The following CHFR variants were observed in gnomAD, a reference collection of about 807,000 sequenced individuals.
CHFR encodes the protein E3 ubiquitin-protein ligase CHFR.
Under a neutral mutation model 87.6 loss-of-function variants are expected in CHFR, and 57 were observed. The observed-to-expected ratio is 0.65, with a 90% confidence interval of 0.53 to 0.81. The LOEUF (loss-of-function observed/expected upper bound fraction) is 0.81. Ranked by LOEUF, CHFR falls within the 30% of genes least tolerant of loss-of-function variation. CHFR has a pLI of 0.00. For synonymous variants in CHFR, 381 were observed against 359.2 expected (o/e 1.06, Z -0.69); for missense variants, 797 against 865.8 (o/e 0.92, Z 1.00).
intron 3 of CHFR, among the ~76,000 whole-genome samples, chr12:132,874,652 C>CTGATGT (rs1951579945): frequency 3.0e-5 from 3 of 98,912 alleles, no homozygotes; most frequent in Admixed American, 1.0e-4. Flanking sequence ...AAGCCAGGCC[C>CTGATGT]CGGAACAGGC....
intron 3 of CHFR, among the ~76,000 whole-genome samples, chr12:132,877,083 C>A (rs971856175): frequency 6.6e-6 from 1 of 152,134 alleles, no homozygotes; most frequent in Non-Finnish European, 1.5e-5. Context: ...GTGTGAGCCA[C>A]CGCGCCCGGG....
intron 6 of CHFR, among the ~76,000 whole-genome samples, chr12:132,863,174 G>A (rs1951255573): frequency 6.7e-6 from 1 of 150,006 alleles, no homozygotes; most frequent in South Asian, 2.1e-4. Flanking sequence ...GGGATTACAG[G>A]CGTGAGCCAC....
chr12:132,834,712 C>A lies in CHFR; in HGVS notation c.*6842G>T, dbSNP rs1593431763. ...CTTCCTGCCTTTGACTTCTTGCTTG[C>A]TTTTTTTTTTTTTTTTTTTTTGAGA... On this transcript the variant is annotated 3_prime_UTR_variant, in exon 18 of 18. Coordinates refer to ENST00000450056, the MANE Select transcript of CHFR (RefSeq NM_001161346.2). 2 of 135,372 alleles carry A rather than the reference C, an allele frequency of 1.5e-5. No individual in the cohort carries two copies. The highest frequency in any genetic ancestry group is 4.8e-4 in the South Asian group (2 of 4,138). 8.4% of individuals were successfully genotyped at this position (135,372 alleles called of 1,614,324 possible).
chr12:132,865,185 GT>G (rs1951306554), intron 6 of CHFR, among the ~76,000 whole-genome samples: 1 of 152,224 alleles, frequency 6.6e-6, no homozygotes, highest in African/African-American at 2.4e-5. Context: ...CTCTGGGGCT[GT>G]CCCTGCACGG....
At position 132,842,856 on chromosome 12, in the gene CHFR, G is replaced by A. The variant is rs546979299; in HGVS notation, c.1916+155C>T. Among the ~76,000 whole-genome samples, 6 of 152,322 alleles carry A rather than the reference G, an allele frequency of 3.9e-5. No individual in the cohort carries two copies. In the South Asian group the frequency reaches 1.0e-3, roughly 26 times the overall value. On this transcript the variant is annotated intron_variant, in intron 17 of 17. Coordinates refer to ENST00000450056, the MANE Select transcript of CHFR (RefSeq NM_001161346.2). ...CGGAGATAAAACTGCATGAAACGAA[G>A]GGATAAAGGAAGAGCAGGATTTCTA...
Position 132,837,037 on chromosome 12 carries a change from TGAG to T in CHFR, c.*4514_*4516del, listed in dbSNP as rs1445297908. On this transcript the variant is annotated 3_prime_UTR_variant, in exon 18 of 18. Transcript: ENST00000450056. Reference sequence around the variant, plus strand: ...TGGGGGCAGCCCTGCAGGAGCTGAATGAGGAGAGGCTGCAGAGGGAGGGGCTGG... The same window carrying T: ...TGGGGGCAGCCCTGCAGGAGCTGAATGAGAGGCTGCAGAGGGAGGGGCTGG... The T allele has an allele frequency of 2.3e-5, 8 of 341,058 alleles. No individual in the cohort carries two copies. The highest frequency in any genetic ancestry group is 4.6e-5 in the Non-Finnish European group (8 of 174,252). 21.1% of individuals were successfully genotyped at this position (341,058 alleles called of 1,614,324 possible). A position where few individuals can be genotyped will look rare whatever the true frequency, so the allele number is the denominator to read the frequency against.
Position 132,839,165 on chromosome 12 carries a change from T to C in CHFR, c.*2389A>G, listed in dbSNP as rs942872747. 6.5e-6 allele frequency: 1 copy of C among 152,744 alleles called. No homozygotes were observed. The highest frequency in any genetic ancestry group is 1.5e-5 in the Non-Finnish European group (1 of 68,380). The allele number at this position is 152,744 out of a possible 1,614,324, so 9.5% of individuals were successfully genotyped here. On this transcript the variant is annotated 3_prime_UTR_variant, in exon 18 of 18. Coordinates refer to ENST00000450056, the MANE Select transcript of CHFR (RefSeq NM_001161346.2). The stretch of plus-strand genomic sequence containing the variant: ...TCTACAGGGCAAGTGTTCTTGTTTC[T>C]ACTTTTTGGAGATGGGAAGGGGAAG...
chr12:132,887,156 T>TGCCCGGCCCCGGC, intron 2 of CHFR, 40 bp downstream of exon 2: 8 of 1,432,972 alleles, frequency 5.6e-6, no homozygotes, highest in Non-Finnish European at 6.4e-6. Flanking sequence ...CCGGTGGCTC[T>TGCCCGGCCCCGGC]GCCCGGCCCC....
chr12:132,851,813 A>G, intron 11 of CHFR, 76 bp from the exon 12 acceptor site: 1 of 1,517,268 alleles, frequency 6.6e-7, no homozygotes, highest in Non-Finnish European at 8.9e-7. Context: ...GGCCGCCGGG[A>G]AGCACAGCGA....
rs1269269450 is a variant in CHFR, at chr12:132,833,768, CGCCACTGCCCTCCA to C, written c.*7772_*7785del. 4 of 152,262 alleles carry C rather than the reference CGCCACTGCCCTCCA, an allele frequency of 2.6e-5. No individual in the cohort carries two copies. The highest frequency in any genetic ancestry group is 5.9e-5 in the Non-Finnish European group (4 of 68,146). 9.4% of individuals were successfully genotyped at this position (152,262 alleles called of 1,614,324 possible). On this transcript the variant is annotated 3_prime_UTR_variant, in exon 18 of 18. Transcript: ENST00000450056. ...TGGAGGCTGCAGTGAGCTGACATTG[CGCCACTGCCCTCCA>C]GCCCTGACAACAGAGCAAGACACTG...
Position 132,836,830 on chromosome 12 carries a change from G to A in CHFR, c.*4724C>T, listed in dbSNP as rs1314191699. ...CTCATCAGACCTTCACCGTTCAGTA[G>A]CCAACTGGTCAGTGATCAGTAGATG... is the stretch of plus-strand genomic sequence containing the variant. On this transcript the variant is annotated 3_prime_UTR_variant, in exon 18 of 18. Coordinates refer to ENST00000450056, the MANE Select transcript of CHFR (RefSeq NM_001161346.2). The A allele has an allele frequency of 4.4e-6, 2 of 452,596 alleles. No homozygotes were observed. The highest frequency in any genetic ancestry group is 4.7e-5 in the Admixed American group (2 of 42,258). The allele number at this position is 452,596 out of a possible 1,614,324, so 28.0% of individuals were successfully genotyped here.
chr12:132,850,965 A>ATG lies in CHFR; in HGVS notation c.1492+652_1492+653insCA, dbSNP rs1950929541. Among the ~76,000 whole-genome samples the ATG allele has an allele frequency of 6.2e-3, 8 of 1,294 alleles. No homozygotes were observed. In the South Asian group the frequency reaches 0.087, roughly 14 times the overall value. The allele number at this position is 1,294 out of a possible 152,430, so 0.8% of individuals were successfully genotyped here. Reference sequence around the variant, plus strand: ...TTTAATAATAACTGTATGTGTGTGCATATATATATATATATATATATATAT... The same window carrying ATG: ...TTTAATAATAACTGTATGTGTGTGCATGTATATATATATATATATATATATAT... On this transcript the variant is annotated intron_variant, in intron 12 of 17. Coordinates refer to ENST00000450056, the MANE Select transcript of CHFR (RefSeq NM_001161346.2).
chr12:132,848,248 A>G lies in CHFR; in HGVS notation c.1577-93T>C, dbSNP rs759000734. ...ACTGAGGATAAACATATTTCTTTTC[A>G]TTACAGATTCTAGAAAGAATAAGAA... is the stretch of plus-strand genomic sequence containing the variant. On this transcript the variant is annotated intron_variant, in intron 13 of 17. Coordinates refer to ENST00000450056, the MANE Select transcript of CHFR (RefSeq NM_001161346.2). 7.0e-6 allele frequency: 11 copies of G among 1,582,574 alleles called. No homozygotes were observed. The Admixed American group carries it at 2.0e-4, about 29-fold the overall frequency.
intron 15 of CHFR, among the ~76,000 whole-genome samples, chr12:132,845,305 A>C (rs943074215): frequency 6.6e-6 from 1 of 151,920 alleles, no homozygotes; most frequent in Non-Finnish European, 1.5e-5. Context: ...AATACAAAAA[A>C]AAAATTAGCT....
intron 2 of CHFR, among the ~76,000 whole-genome samples, chr12:132,880,485 C>T (rs1242533744): frequency 6.7e-6 from 1 of 149,566 alleles, no homozygotes; most frequent in Non-Finnish European, 1.5e-5. Flanking sequence ...GGTGAAACCA[C>T]GTCTCTACCA....
intron 3 of CHFR, among the ~76,000 whole-genome samples, chr12:132,874,167 A>T (rs1951560858): frequency 6.6e-6 from 1 of 152,258 alleles, no homozygotes; most frequent in South Asian, 2.1e-4. Context: ...CTGGACCTCC[A>T]TAACTATAGT....
Position 132,887,184 on chromosome 12 carries a change from T to A in CHFR, c.133+12A>T. The stretch of plus-strand genomic sequence containing the variant: ...CCGGCCCCGGCCCCCGGCCCCGGCC[T>A]CAGCCCCGCACCTCGTCTCCGCCCG... On this transcript the variant is annotated intron_variant, in intron 2 of 17. Coordinates refer to ENST00000450056, the MANE Select transcript of CHFR (RefSeq NM_001161346.2). The A allele has an allele frequency of 6.8e-7, 1 of 1,475,386 alleles. No homozygotes were observed. The highest frequency in any genetic ancestry group is 1.3e-5 in the South Asian group (1 of 79,044). The allele number at this position is 1,475,386 out of a possible 1,614,324, so 91.4% of individuals were successfully genotyped here.
intron 15 of CHFR, among the ~76,000 whole-genome samples, chr12:132,846,534 T>C (rs1593449184): frequency 6.8e-6 from 1 of 147,350 alleles, no homozygotes; most frequent in African/African-American, 2.4e-5. Flanking sequence ...CCTCCCAAAG[T>C]GCTGGGATTA....
At chr12:132,860,906 C>T (rs972578397) in intron 7 of CHFR, among the ~76,000 whole-genome samples, 1 of 152,178 alleles carries the variant, frequency 6.6e-6, no homozygotes, top group Admixed American at 6.5e-5. Context: ...GCATGCACCA[C>T]CACACCCAGC....
Sources: gnomAD v4.1 joint callset for allele counts (sites outside exome capture counted in the v4.1 genomes callset) on GRCh38, gnomAD v4.1.1 for gene constraint, MANE v1.5 for transcripts, NCBI Gene and HGNC (gene_info 2026-07-23, HGNC 2026-07-21) for gene names.